The following SUGP1 variants were observed in gnomAD, a reference collection of about 807,000 sequenced individuals.
SUGP1 encodes the protein SURP and G-patch domain-containing protein 1.
In SUGP1, 34 loss-of-function variants were observed where a neutral mutation model predicts 76.5. The ratio of observed to expected loss-of-function variants is 0.44; its 90% CI spans 0.34 to 0.59. The LOEUF is 0.59. Ranked by LOEUF, SUGP1 falls within the 20% of genes least tolerant of loss-of-function variation. SUGP1 has a pLI of 0.01. For synonymous variants in SUGP1, 326 were observed against 326.2 expected (o/e 1.00, Z 0.01); for missense variants, 752 against 851.7 (o/e 0.88, Z 1.46).
At chr19:19,307,005 C>T (rs748743347) in intron 3 of SUGP1, among the ~76,000 whole-genome samples, 3 of 152,014 alleles carry the variant, frequency 2.0e-5, no homozygotes, top group Admixed American at 6.6e-5. Flanking sequence ...GGACTAGGGC[C>T]CCCGGATCAT....
At chr19:19,305,102 C>T (rs1304505021) in intron 4 of SUGP1, among the ~76,000 whole-genome samples, 1 of 152,190 alleles carries the variant, frequency 6.6e-6, no homozygotes, top group Middle Eastern at 3.2e-3. Context: ...ATTCTAATGG[C>T]CCGGGGGCCA....
intron 8 of SUGP1, among the ~76,000 whole-genome samples, chr19:19,294,611 G>A (rs1033604234): frequency 3.3e-5 from 5 of 151,658 alleles, no homozygotes; most frequent in South Asian, 2.1e-4. Context: ...TTTCATGCCC[G>A]GATTTGGCAA....
intron 10 of SUGP1, 50 bp from the exon 11 acceptor site, chr19:19,278,846 G>C: frequency 6.4e-7 from 1 of 1,566,438 alleles, no homozygotes; most frequent in South Asian, 1.2e-5. Context: ...GGAAGGAGGG[G>C]AGCAGGCCTG....
rs768384274 is a variant in SUGP1, at chr19:19,302,269, A to T, written c.883T>A (p.Phe295Ile). Residue 295 changes from phenylalanine (F) to isoleucine (I), a missense_variant, in exon 7 of 14, where the codon TTC (phenylalanine) becomes ATC (isoleucine). Phe to Ile is a conservative substitution (Grantham distance 21). This residue lies in a region of SUGP1 where 620 missense variants were observed against 617.3 expected (regional missense o/e 1.00). Coordinates refer to ENST00000247001, the MANE Select transcript of SUGP1 (RefSeq NM_172231.4). ...CCCTGGCAGGGCCCCCCTTACCTGA[A>T]TGCCTGGTTCTCACGGTTGTTCTGG... The part of the protein sequence containing the change: ...ALQNNRENQA[F>I]SFLYEPNSQG... 1.2e-6 allele frequency: 2 copies of T among 1,614,006 alleles called. No individual in the cohort carries two copies. The highest frequency in any genetic ancestry group is 3.3e-5 in the Admixed American group (2 of 60,002).
Position 19,305,785 on chromosome 19 carries a change from C to A in SUGP1, c.538+64G>T, listed in dbSNP as rs1164872435. ...CCCTGGCAGCACTTGCCCTGCCCAC[C>A]ACAGATCCCACCTGCTAGAGCACGG... On this transcript the variant is annotated intron_variant, in intron 4 of 13. Transcript: ENST00000247001. 6.6e-6 allele frequency: 10 copies of A among 1,517,708 alleles called. No individual in the cohort carries two copies. In the Admixed American group the frequency reaches 1.5e-4, roughly 23 times the overall value. 94.0% of individuals were successfully genotyped at this position (1,517,708 alleles called of 1,614,324 possible).
intron 9 of SUGP1, 40 bp downstream of exon 9, chr19:19,280,145 C>T (rs369770104): frequency 1.6e-5 from 26 of 1,589,634 alleles, no homozygotes; most frequent in African/African-American, 1.6e-4. Flanking sequence ...ACTCTATGGG[C>T]GCCGACCATG....
At chr19:19,298,984 G>A (rs2061250462) in intron 7 of SUGP1, among the ~76,000 whole-genome samples, 1 of 152,160 alleles carries the variant, frequency 6.6e-6, no homozygotes, top group Non-Finnish European at 1.5e-5. Flanking sequence ...ATGAGGGGGA[G>A]AAAGTGGAGC....
intron 2 of SUGP1, 46 bp from the exon 3 acceptor site, chr19:19,310,246 G>C: frequency 6.9e-7 from 1 of 1,443,498 alleles, no homozygotes; most frequent in Non-Finnish European, 9.7e-7. Flanking sequence ...GCTAGAGATG[G>C]AGTGAGGGCA....
chr19:19,286,073 G>C (rs988786351), intron 8 of SUGP1, among the ~76,000 whole-genome samples: 1 of 152,170 alleles, frequency 6.6e-6, no homozygotes, highest in Non-Finnish European at 1.5e-5. Context: ...AACACTTTGA[G>C]AGGCCAAGGC....
At chr19:19,282,895 G>C (rs894107711) in intron 8 of SUGP1, among the ~76,000 whole-genome samples, 4 of 151,940 alleles carry the variant, frequency 2.6e-5, no homozygotes, top group Non-Finnish European at 5.9e-5. Context: ...GGCTAACACG[G>C]TGAAACCCCG....
chr19:19,303,682 C>A (rs779339803), intron 5 of SUGP1, 42 bp downstream of exon 5: 36 of 1,609,186 alleles, frequency 2.2e-5, no homozygotes, highest in Non-Finnish European at 2.6e-5. Context: ...GTGCAGCAAA[C>A]GCATTCAACA....
chr19:19,296,859 G>C (rs373673274), intron 8 of SUGP1, 130 bp downstream of exon 8: 1 of 805,530 alleles, frequency 1.2e-6, no homozygotes, highest in Non-Finnish European at 1.9e-6. Context: ...TGTACACACA[G>C]TGGAAGATAT....
rs553396626 is a variant in SUGP1, at chr19:19,305,175, A to G, written c.538+674T>C. ...CAAGGGATCTCAAGGCTGTCATGGC[A>G]CAACTCCACAGTCGCTTCAGTCTGT... On this transcript the variant is annotated intron_variant, in intron 4 of 13. Transcript: ENST00000247001. Among the ~76,000 whole-genome samples the G allele has an allele frequency of 3.4e-3, 525 of 152,328 alleles. 3 individuals carry two copies. The highest frequency in any genetic ancestry group is 5.3e-3 in the Non-Finnish European group (363 of 68,028).
chr19:19,315,032 A>G (rs2061382709), intron 2 of SUGP1, among the ~76,000 whole-genome samples: 1 of 152,038 alleles, frequency 6.6e-6, no homozygotes, highest in Admixed American at 6.6e-5. Context: ...AGAAAAAGAA[A>G]GAAGAAAAGG....
chr19:19,277,144 T>C (rs2061057087), intron 12 of SUGP1, 68 bp from the exon 13 acceptor site: 1 of 1,528,338 alleles, frequency 6.5e-7, no homozygotes, highest in African/African-American at 1.4e-5. Context: ...CGGGCACAGC[T>C]GGGCTCTCAA....
Position 19,305,856 on chromosome 19 carries a change from C to T in SUGP1, c.531G>A (p.Glu177=), listed in dbSNP as rs1404173907. ...DEEEDYEQWL[E]IKVSPPEGAE... ...GCAGCTCCCACAACTTACCTTTGAT[C>T]TCCAGCCACTGCTCATAGTCCTCCT... The change falls in exon 4 of 14, where the codon GAG becomes GAA. Residue 177 remains glutamate (E), a synonymous_variant. Transcript: ENST00000247001. 6.2e-7 allele frequency: 1 copy of T among 1,604,454 alleles called. No individual in the cohort carries two copies. The highest frequency in any genetic ancestry group is 2.2e-5 in the East Asian group (1 of 44,634).
chr19:19,310,101 G>C lies in SUGP1; in HGVS notation c.306C>G (p.Ser102Arg), dbSNP rs755509135. 4 of 1,612,922 alleles carry C rather than the reference G, an allele frequency of 2.5e-6. No homozygotes were observed. Among genetic ancestry groups the C allele is most frequent in the Non-Finnish European group, 3.4e-6 (4 of 1,179,164 alleles). The change falls in exon 3 of 14, where the codon AGC (serine) becomes AGG (arginine). Residue 102 changes from serine (S) to arginine (R), a missense_variant. This residue lies in a region of SUGP1 where 620 missense variants were observed against 617.3 expected (regional missense o/e 1.00). Coordinates refer to ENST00000247001, the MANE Select transcript of SUGP1 (RefSeq NM_172231.4). ...AAAGGGGAGGCCTACACTCACCTGT[G>C]CTGGTCTGTGCCTTCTGCAACTTCA... Reference protein sequence around the residue: ...QFLKLQKAQTSTDAPTSAPSA... With the variant: ...QFLKLQKAQTRTDAPTSAPSA...
intron 1 of SUGP1, among the ~76,000 whole-genome samples, chr19:19,318,808 C>T (rs988134998): frequency 6.6e-6 from 1 of 152,110 alleles, no homozygotes; most frequent in Non-Finnish European, 1.5e-5. Context: ...GCAACAAGAC[C>T]AGGGAGGCTC....
intron 8 of SUGP1, among the ~76,000 whole-genome samples, chr19:19,282,724 CA>C (rs1429008344): frequency 9.2e-5 from 14 of 151,804 alleles, no homozygotes; most frequent in Non-Finnish European, 1.6e-4. Flanking sequence ...AGATTTGCAA[CA>C]ATTCGAAAAA....
Sources: gnomAD v4.1 joint callset for allele counts (sites outside exome capture counted in the v4.1 genomes callset) on GRCh38, gnomAD v4.1.1 for gene constraint, gnomAD v4.1.1 regional missense constraint, MANE v1.5 for transcripts, NCBI Gene and HGNC (gene_info 2026-07-23, HGNC 2026-07-21) for gene names.